SFRP1: variants seen among roughly 807,000 people sequenced by gnomAD.
SFRP1 encodes the protein secreted frizzled-related protein 1.
A neutral mutation model predicts 25.9 loss-of-function variants in SFRP1; 9 were observed. That is an observed-to-expected ratio of 0.35 (90% CI 0.21 to 0.61). The LOEUF is 0.61. Among genes scored for constraint, SFRP1 ranks in the 20% least tolerant of loss-of-function variants. SFRP1 has a pLI of 0.78. For synonymous variants in SFRP1, 178 were observed against 174.0 expected, an observed-to-expected ratio of 1.02 and a Z score of -0.18; for missense variants, 346 against 418.2, an observed-to-expected ratio of 0.83 and a Z score of 1.51.
intron 1 of SFRP1, among the ~76,000 whole-genome samples, chr8:41,307,157 A>C (rs1804008463): frequency 6.6e-6 from 1 of 152,208 alleles, no homozygotes; most frequent in Non-Finnish European, 1.5e-5. Flanking sequence ...ACAGAACACA[A>C]GGCGCTTTGT....
At chr8:41,283,429 T>C (rs1401255958) in intron 2 of SFRP1, among the ~76,000 whole-genome samples, 1 of 152,128 alleles carries the variant, frequency 6.6e-6, no homozygotes, top group Non-Finnish European at 1.5e-5. Context: ...AGGCCCCCGA[T>C]TGCTGTTTCA....
intron 2 of SFRP1, among the ~76,000 whole-genome samples, chr8:41,296,788 A>G (rs928747206): frequency 6.6e-6 from 1 of 152,156 alleles, no homozygotes; most frequent in Non-Finnish European, 1.5e-5. Context: ...AGAACGCGTT[A>G]GGTAGAGTGT....
chr8:41,289,530 C>A (rs148350793), intron 2 of SFRP1, among the ~76,000 whole-genome samples: 1 of 152,158 alleles, frequency 6.6e-6, no homozygotes, highest in Non-Finnish European at 1.5e-5. Flanking sequence ...TAGAACCAGG[C>A]GCTGGGCTCA....
At chr8:41,299,126 G>A (rs917958663) in intron 2 of SFRP1, among the ~76,000 whole-genome samples, 3 of 145,254 alleles carry the variant, frequency 2.1e-5, no homozygotes, top group Non-Finnish European at 4.5e-5. Flanking sequence ...TGCACAAGAA[G>A]GCTGCTCAGA....
At chr8:41,275,309 C>T in intron 2 of SFRP1, 1 of 338,952 alleles carries the variant, frequency 3.0e-6, no homozygotes, top group Non-Finnish European at 5.6e-6. Flanking sequence ...GCAGTTGGAT[C>T]CATTTTTTCC....
intron 2 of SFRP1, among the ~76,000 whole-genome samples, chr8:41,291,029 C>T (rs1272772480): frequency 6.7e-6 from 1 of 150,314 alleles, no homozygotes; most frequent in South Asian, 2.1e-4. Flanking sequence ...GCCTCAGCCT[C>T]CTGAGTAGCT....
Position 41,262,941 on chromosome 8 carries a change from T to A in SFRP1, c.*2226A>T, listed in dbSNP as rs1803392225. The A allele has an allele frequency of 6.6e-6, 1 of 152,198 alleles. No homozygotes were observed. Among genetic ancestry groups the A allele is most frequent in the Non-Finnish European group, 1.5e-5 (1 of 68,046 alleles). The allele number at this position is 152,198 out of a possible 1,614,324, so 9.4% of individuals were successfully genotyped here. On this transcript the variant is annotated 3_prime_UTR_variant, in exon 3 of 3. Transcript: ENST00000220772. ...ACGGTGGTAAAACCCACAGCTGCGATTCACATTTCCAATTTATTTTGAGCT... is the reference window on the plus strand; with the variant it reads ...ACGGTGGTAAAACCCACAGCTGCGAATCACATTTCCAATTTATTTTGAGCT...
intron 2 of SFRP1, among the ~76,000 whole-genome samples, chr8:41,297,384 A>G (rs1322979625): frequency 6.6e-6 from 1 of 152,174 alleles, no homozygotes; most frequent in East Asian, 1.9e-4. Flanking sequence ...GTTTTTTAAA[A>G]GACTTCTTCA....
At chr8:41,303,924 C>A (rs1563367887) in intron 1 of SFRP1, among the ~76,000 whole-genome samples, 1 of 152,098 alleles carries the variant, frequency 6.6e-6, no homozygotes, top group African/African-American at 2.4e-5. Context: ...CCTTTCAATA[C>A]CATCCTCCGA....
At position 41,308,872 on chromosome 8, in the gene SFRP1, G is replaced by A. The variant is rs1223816741; in HGVS notation, c.288C>T (p.Ser96=). The change falls in exon 1 of 3, where the codon AGC becomes AGT. Residue 96 remains serine, a synonymous_variant. Coordinates refer to ENST00000220772, the MANE Select transcript of SFRP1 (RefSeq NM_003012.5). ...AGTTCTTGTTGAGCAGGGGCACCCA[G>A]CTGCTGGCCTGCTGCTTCACCTCCG... ...TMAEVKQQAS[S]WVPLLNKNCH... is the part of the protein sequence containing the mutation. The A allele has an allele frequency of 1.2e-6, 2 of 1,610,642 alleles. No individual in the cohort carries two copies. Among genetic ancestry groups the A allele is most frequent in the Non-Finnish European group, 1.7e-6 (2 of 1,179,672 alleles).
chr8:41,299,766 C>T (rs1232630958), intron 2 of SFRP1, among the ~76,000 whole-genome samples: 1 of 151,410 alleles, frequency 6.6e-6, no homozygotes, highest in Middle Eastern at 3.2e-3. Flanking sequence ...ATGTATAAGA[C>T]ACTGTGCCAG....
intron 2 of SFRP1, among the ~76,000 whole-genome samples, chr8:41,281,345 G>C (rs1661208823): frequency 6.6e-6 from 1 of 152,238 alleles, no homozygotes; most frequent in African/African-American, 2.4e-5. Flanking sequence ...ATTTGCCAGT[G>C]GAGTGGGAGT....
intron 1 of SFRP1, 27 bp downstream of exon 1, chr8:41,308,589 C>A: frequency 1.3e-6 from 2 of 1,530,452 alleles, no homozygotes; most frequent in Admixed American, 1.9e-5. Flanking sequence ...GGGGGCGGCT[C>A]GCGCACGTGG....
intron 2 of SFRP1, among the ~76,000 whole-genome samples, chr8:41,297,950 G>A (rs546217904): frequency 6.6e-6 from 1 of 152,322 alleles, no homozygotes; most frequent in East Asian, 1.9e-4. Flanking sequence ...GGATGGGAAG[G>A]AGCAAGGGTG....
chr8:41,295,395 G>A (rs1803831320), intron 2 of SFRP1, among the ~76,000 whole-genome samples: 1 of 152,018 alleles, frequency 6.6e-6, no homozygotes, highest in African/African-American at 2.4e-5. Flanking sequence ...CGAGCATGGT[G>A]GTGGGCGCCT....
At chr8:41,275,254 G>A (rs776707712) in intron 2 of SFRP1, 14 of 433,028 alleles carry the variant, frequency 3.2e-5, no homozygotes, top group East Asian at 8.1e-5. Flanking sequence ...GTAGGAGAGC[G>A]AGAGGGGATG....
chr8:41,271,315 A>G (rs1411455860), intron 2 of SFRP1: 1 of 154,168 alleles, frequency 6.5e-6, no homozygotes, highest in Non-Finnish European at 1.5e-5. Context: ...AATGGCAGAG[A>G]CTGTAACATA....
At chr8:41,284,302 C>G (rs1361426008) in intron 2 of SFRP1, among the ~76,000 whole-genome samples, 1 of 151,986 alleles carries the variant, frequency 6.6e-6, no homozygotes, top group Non-Finnish European at 1.5e-5. Flanking sequence ...CCCTGAAGAG[C>G]TCTTTCACTA....
intron 2 of SFRP1, among the ~76,000 whole-genome samples, chr8:41,297,093 G>A (rs1338230878): frequency 6.6e-6 from 1 of 152,176 alleles, no homozygotes; most frequent in African/African-American, 2.4e-5. Context: ...CACCCAGGCT[G>A]GAGTGCAGCA....
Sources: allele counts gnomAD v4.1 joint callset (sites outside exome capture counted in the v4.1 genomes callset), GRCh38; gene constraint gnomAD v4.1.1; transcripts MANE v1.5; gene names NCBI Gene and HGNC (gene_info 2026-07-23, HGNC 2026-07-21).